The following GSDMC variants were observed in gnomAD, a reference collection of about 807,000 sequenced individuals.
GSDMC encodes the protein gasdermin C, also known as gasdermin-C.
GSDMC carries 59 observed loss-of-function variants against 58.0 expected under a neutral mutation model. That is an observed-to-expected ratio of 1.02 (90% CI 0.82 to 1.26). GSDMC has a LOEUF of 1.26. GSDMC is among the 50% of genes most tolerant of loss of function. GSDMC has a pLI of 0.00. For missense variants in GSDMC, 659 were observed against 598.5 expected (o/e 1.10, Z -1.06); for synonymous variants, 241 against 220.2 (o/e 1.09, Z -0.83).
chr8:129,760,555 G>A lies in GSDMC; in HGVS notation c.711C>T (p.Thr237=), dbSNP rs372282354. The A allele has an allele frequency of 1.9e-6, 3 of 1,596,272 alleles. No individual in the cohort carries two copies. The highest frequency in any genetic ancestry group is 2.6e-6 in the Non-Finnish European group (3 of 1,164,834). ...GGCTTTGGAACTCACCATCTTGAAAGGTTCTCTGTTCATCATCATCTGAGA... is the reference window on the plus strand; with the variant it reads ...GGCTTTGGAACTCACCATCTTGAAAAGTTCTCTGTTCATCATCATCTGAGA... ...ILISDDDEQR[T]FQDEYEISEM... is the part of the protein sequence containing the mutation. The change falls in exon 6 of 14, where the codon ACC becomes ACT. Residue 237 remains threonine, a synonymous_variant. Coordinates refer to ENST00000276708, the MANE Select transcript of GSDMC (RefSeq NM_031415.3).
the GSDMC span, chr8:129,722,902 G>A: frequency 2.0e-5 from 3 of 152,158 alleles, no homozygotes; most frequent in Non-Finnish European, 2.9e-5. Flanking sequence ...AATTATCTAC[G>A]CACCAGAGTT....
the GSDMC span, among the ~76,000 whole-genome samples, chr8:129,709,455 T>G: frequency 6.6e-6 from 1 of 150,456 alleles, no homozygotes; most frequent in South Asian, 2.1e-4. Flanking sequence ...TAGATATAAA[T>G]AGATGATAGA....
At chr8:129,752,518 T>G in intron 7 of GSDMC, among the ~76,000 whole-genome samples, 180 bp downstream of exon 7, 1 of 151,768 alleles carries the variant, frequency 6.6e-6, no homozygotes, top group African/African-American at 2.4e-5. Context: ...CCAAAGGGGG[T>G]CAGGGATCAG....
the GSDMC span, among the ~76,000 whole-genome samples, chr8:129,711,092 G>T: frequency 6.6e-6 from 1 of 152,208 alleles, no homozygotes; most frequent in African/African-American, 2.4e-5. Flanking sequence ...GTTTACATTT[G>T]ATTAGGACAT....
In GSDMC at chr8:129,749,477, C is replaced by T. The variant is rs1367238168; in HGVS notation, c.1262G>A (p.Arg421Lys). The T allele has an allele frequency of 6.2e-7, 1 of 1,613,822 alleles. No homozygotes were observed. Residue 421 changes from arginine to lysine, a missense_variant, in exon 13 of 14, where the codon AGG becomes AAG. Physicochemically the swap from Arg to Lys is conservative, Grantham distance 26. Coordinates refer to ENST00000276708, the MANE Select transcript of GSDMC (RefSeq NM_031415.3). ...CAGCTCCTGTTGCTGAAGCAGGATCCTCTTCTCCATGGAACAGGCCAGCAA... is the reference window on the plus strand; with the variant it reads ...CAGCTCCTGTTGCTGAAGCAGGATCTTCTTCTCCATGGAACAGGCCAGCAA... ...HDLLACSMEK[R>K]ILLQQQELVR...
chr8:129,762,277 T>C (rs951628508), intron 5 of GSDMC, among the ~76,000 whole-genome samples: 3 of 152,222 alleles, frequency 2.0e-5, no homozygotes, highest in Non-Finnish European at 2.9e-5. Flanking sequence ...GGTAAGCCTC[T>C]GTGGCTGATG....
At chr8:129,709,854 G>A in the GSDMC span, among the ~76,000 whole-genome samples, 1 of 152,154 alleles carries the variant, frequency 6.6e-6, no homozygotes, top group South Asian at 2.1e-4. Context: ...CCCTCTGTCT[G>A]AAATGACCTT....
chr8:129,743,148 G>A, the GSDMC span, among the ~76,000 whole-genome samples: 14 of 152,110 alleles, frequency 9.2e-5, no homozygotes, highest in South Asian at 2.1e-4. Context: ...GTGGAGTTTG[G>A]TTTTTATTAC....
At chr8:129,722,048 CAT>C in the GSDMC span, among the ~76,000 whole-genome samples, 1 of 152,196 alleles carries the variant, frequency 6.6e-6, no homozygotes, top group African/African-American at 2.4e-5. Context: ...AAATTAAAAA[CAT>C]ATAAAATATC....
Position 129,752,167 on chromosome 8 carries a change from T to A in GSDMC, c.845-20A>T. The A allele has an allele frequency of 6.2e-7, 1 of 1,605,584 alleles. No individual in the cohort carries two copies. Among genetic ancestry groups the A allele is most frequent in the Non-Finnish European group, 8.5e-7 (1 of 1,172,560 alleles). ...ATAGCTCTGGAAAGAGAAAGAAAAG[T>A]GTTTACTCACCAAACATTAGTCTAC... is the stretch of plus-strand genomic sequence containing the variant. On this transcript the variant is annotated intron_variant, in intron 7 of 13. Coordinates refer to ENST00000276708, the MANE Select transcript of GSDMC (RefSeq NM_031415.3).
At chr8:129,718,337 AAAC>A in the GSDMC span, among the ~76,000 whole-genome samples, 1 of 152,218 alleles carries the variant, frequency 6.6e-6, no homozygotes, top group African/African-American at 2.4e-5. Flanking sequence ...AGAAAAAAAC[AAAC>A]AACCCCATCA....
At chr8:129,775,204 A>G (rs1021546055) in intron 3 of GSDMC, among the ~76,000 whole-genome samples, 5 of 152,352 alleles carry the variant, frequency 3.3e-5, no homozygotes, top group South Asian at 2.1e-4. Flanking sequence ...AAATTGTGGT[A>G]TGTGTATACG....
chr8:129,748,735 C>G lies in GSDMC; in HGVS notation c.1293G>C (p.Arg431Ser). ...ATCTGAAGTTTGGCTCCAGGATGCT[C>G]CTTACCTAGAAGAAAGATGATCAGG... is the stretch of plus-strand genomic sequence containing the variant. The part of the protein sequence containing the change: ...RILLQQQELV[R>S]SILEPNFRYP... The change falls in exon 14 of 14, where the codon AGG becomes AGC. Residue 431 changes from arginine to serine, a missense_variant. Physicochemically the swap from Arg to Ser is moderately radical, Grantham distance 110 (BLOSUM62 -1). Transcript: ENST00000276708. The G allele has an allele frequency of 6.6e-7, 1 of 1,515,304 alleles. No homozygotes were observed. Among genetic ancestry groups the G allele is most frequent in the Non-Finnish European group, 8.8e-7 (1 of 1,134,364 alleles). 93.9% of individuals were successfully genotyped at this position (1,515,304 alleles called of 1,614,324 possible).
chr8:129,732,505 C>A, the GSDMC span, among the ~76,000 whole-genome samples: 2 of 152,012 alleles, frequency 1.3e-5, no homozygotes. Context: ...GAGAAGGAAC[C>A]AGCACAAAAA....
downstream of GSDMC, among the ~76,000 whole-genome samples, chr8:129,744,330 T>C (rs1303471118): frequency 6.6e-6 from 1 of 152,226 alleles, no homozygotes; most frequent in Non-Finnish European, 1.5e-5. Flanking sequence ...CTAAAAGCTA[T>C]TTAATCAAGC....
chr8:129,723,333 C>T, the GSDMC span, among the ~76,000 whole-genome samples: 440 of 152,058 alleles, frequency 2.9e-3, 3 homozygotes, highest in African/African-American at 0.01. Flanking sequence ...CTCTGCCTCC[C>T]GGGTTCAAGC....
At chr8:129,751,790 G>A in intron 9 of GSDMC, 72 bp downstream of exon 9, 1 of 1,465,632 alleles carries the variant, frequency 6.8e-7, no homozygotes, top group Non-Finnish European at 9.6e-7. Flanking sequence ...CGAGGCAGGG[G>A]CAATCTGCCC....
intron 4 of GSDMC, among the ~76,000 whole-genome samples, chr8:129,764,776 A>C (rs1372697167): frequency 6.6e-6 from 1 of 152,196 alleles, no homozygotes; most frequent in African/African-American, 2.4e-5. Flanking sequence ...AATTAAAAAG[A>C]TTTCCAGTCG....
At chr8:129,715,743 G>GA in the GSDMC span, among the ~76,000 whole-genome samples, 2 of 152,086 alleles carry the variant, frequency 1.3e-5, no homozygotes, top group Non-Finnish European at 1.5e-5. Flanking sequence ...CTACGCAGTT[G>GA]AAAAAATACC....
Sources: allele counts gnomAD v4.1 joint callset (sites outside exome capture counted in the v4.1 genomes callset), GRCh38; gene constraint gnomAD v4.1.1; transcripts MANE v1.5; gene names NCBI Gene and HGNC (gene_info 2026-07-23, HGNC 2026-07-21).